The following DRG1 variants were observed in gnomAD, a reference collection of about 807,000 sequenced individuals.
DRG1 encodes developmentally regulated GTP binding protein 1.
In DRG1, 19 loss-of-function variants were observed where a neutral mutation model predicts 38.8. The observed-to-expected ratio is 0.49, with a 90% CI of 0.34 to 0.72. DRG1 has a LOEUF of 0.72. Ranked by LOEUF, DRG1 falls within the 30% of genes least tolerant of loss-of-function variation. The pLI, the probability that DRG1 is intolerant of heterozygous loss-of-function variation, is 0.01. For missense variants in DRG1, 299 were observed against 444.8 expected, an observed-to-expected ratio of 0.67 and a Z score of 2.95; for synonymous variants, 167 against 157.5, an observed-to-expected ratio of 1.06 and a Z score of -0.45.
At position 31,424,800 on chromosome 22, in the gene DRG1, GCCCCCC is replaced by G. The variant is rs35314205; in HGVS notation, c.713+1396_713+1401del. ...GTATGAGCTGCTGTGCCCGGCACCC[GCCCCCC>G]CCCCCTTTTTTTTTTTTTTGGAGTC... On this transcript the variant is annotated intron_variant, in intron 6 of 8. Coordinates refer to ENST00000331457, the MANE Select transcript of DRG1 (RefSeq NM_004147.4). 1.3e-4 allele frequency among the ~76,000 whole-genome samples: 2 copies of G among 15,308 alleles called. 1 individual carries two copies. Among genetic ancestry groups the G allele is most frequent in the Admixed American group, 1.6e-3 (2 of 1,272 alleles). The allele number at this position is 15,308 out of a possible 152,430, so 10.0% of individuals were successfully genotyped here.
intron 3 of DRG1, among the ~76,000 whole-genome samples, chr22:31,408,559 C>A (rs2050001760): frequency 6.6e-6 from 1 of 151,356 alleles, no homozygotes; most frequent in African/African-American, 2.4e-5. Context: ...ACCAGCCTGG[C>A]CAACATGGTG....
Sources: gnomAD v4.1 joint callset for allele counts (sites outside exome capture counted in the v4.1 genomes callset) on GRCh38, gnomAD v4.1.1 for gene constraint, MANE v1.5 for transcripts, NCBI Gene and HGNC (gene_info 2026-07-23, HGNC 2026-07-21) for gene names.